Variants in CHST11 observed in about 807,000 individuals in gnomAD.
The protein encoded by CHST11 is carbohydrate sulfotransferase 11.
CHST11 carries 9 observed loss-of-function variants against 30.4 expected under a neutral mutation model. The observed-to-expected ratio is 0.30, with a 90% CI of 0.18 to 0.52. The LOEUF is 0.52. Among genes scored for constraint, CHST11 ranks in the 20% least tolerant of loss-of-function variants. The probability of loss-of-function intolerance (pLI) is 0.97; values close to 1 mark genes in which losing one functional copy is unlikely to be tolerated. For missense variants in CHST11, 348 were observed against 460.6 expected (o/e 0.76, Z 2.24); for synonymous variants, 152 against 187.8 (o/e 0.81, Z 1.56).
intron 2 of CHST11, among the ~76,000 whole-genome samples, chr12:104,616,770 C>G (rs954654081): frequency 6.6e-6 from 1 of 152,098 alleles, no homozygotes; most frequent in Non-Finnish European, 1.5e-5. Flanking sequence ...GGCCAGGAAA[C>G]TTTTTAACAG....
At chr12:104,741,488 T>G (rs1035134116) in intron 2 of CHST11, among the ~76,000 whole-genome samples, 1 of 152,210 alleles carries the variant, frequency 6.6e-6, no homozygotes, top group Non-Finnish European at 1.5e-5. Context: ...TAAATGGACC[T>G]CTTTGGGTGC....
chr12:104,729,396 T>G lies in CHST11; in HGVS notation c.205-27553T>G, dbSNP rs1205528898. ...GTAGAGGATGATTGTGAGCCAGTCA[T>G]TAAGTACTGAGGATTCAAGCAGTGT... On this transcript the variant is annotated intron_variant, in intron 2 of 2. Coordinates refer to ENST00000303694, the MANE Select transcript of CHST11 (RefSeq NM_018413.6). This position sits in a 1 kb window ranked among gnomAD's most constrained non-coding sequence, Gnocchi z 4.0. 6.6e-6 allele frequency among the ~76,000 whole-genome samples: 1 copy of G among 152,148 alleles called. No individual in the cohort carries two copies. The highest frequency in any genetic ancestry group is 1.5e-5 in the Non-Finnish European group (1 of 68,026).
intron 2 of CHST11, among the ~76,000 whole-genome samples, chr12:104,633,237 A>G (rs537091711): frequency 6.6e-6 from 1 of 152,268 alleles, no homozygotes; most frequent in Non-Finnish European, 1.5e-5. Flanking sequence ...TTCCTTGACA[A>G]ATGCCTCATT....
chr12:104,665,815 T>A (rs1221252080), intron 2 of CHST11, among the ~76,000 whole-genome samples: 1 of 66,212 alleles, frequency 1.5e-5, no homozygotes, highest in Admixed American at 1.6e-4. Flanking sequence ...TCTGTCTCTT[T>A]TTTTTTTTTT....
intron 2 of CHST11, among the ~76,000 whole-genome samples, chr12:104,721,895 C>T (rs964169370): frequency 1.3e-5 from 2 of 152,152 alleles, no homozygotes; most frequent in Admixed American, 6.5e-5. Flanking sequence ...AAGGTATTGC[C>T]TGAGGTTGCA....
chr12:104,486,385 G>A (rs868516400), intron 1 of CHST11, among the ~76,000 whole-genome samples: 1 of 151,896 alleles, frequency 6.6e-6, no homozygotes, highest in South Asian at 2.1e-4. Flanking sequence ...GACAGGAATC[G>A]GGGAATGCAG....
intron 2 of CHST11, among the ~76,000 whole-genome samples, chr12:104,639,768 G>A (rs1160209275): frequency 6.6e-6 from 1 of 152,196 alleles, no homozygotes. Flanking sequence ...CACCTCTCAT[G>A]CCTTTGTGCA....
intron 1 of CHST11, among the ~76,000 whole-genome samples, chr12:104,573,600 G>T (rs1472769190): frequency 6.6e-6 from 1 of 152,190 alleles, no homozygotes; most frequent in Non-Finnish European, 1.5e-5. Context: ...ACAAAAGCAA[G>T]AAATGAGGAA....
At chr12:104,482,830 C>A (rs2037639960) in intron 1 of CHST11, among the ~76,000 whole-genome samples, 1 of 152,132 alleles carries the variant, frequency 6.6e-6, no homozygotes, top group Non-Finnish European at 1.5e-5. Flanking sequence ...CCACTTAAGA[C>A]TTTAATGTCT....
At chr12:104,753,953 C>G (rs566252542) in intron 2 of CHST11, among the ~76,000 whole-genome samples, 6 of 152,214 alleles carry the variant, frequency 3.9e-5, no homozygotes, top group Admixed American at 6.5e-5. Flanking sequence ...AAGGCCCAGG[C>G]CCCATATTTG....
At chr12:104,633,882 C>G (rs999582793) in intron 2 of CHST11, among the ~76,000 whole-genome samples, 2 of 152,194 alleles carry the variant, frequency 1.3e-5, no homozygotes, top group African/African-American at 2.4e-5. Flanking sequence ...CCCAGCTCCC[C>G]CTGCCCCACC....
chr12:104,722,772 G>A (rs2040188243), intron 2 of CHST11, among the ~76,000 whole-genome samples: 1 of 152,050 alleles, frequency 6.6e-6, no homozygotes, highest in Non-Finnish European at 1.5e-5. Flanking sequence ...CTGGGGGGAG[G>A]TGAGGGGAGA....
intron 2 of CHST11, among the ~76,000 whole-genome samples, chr12:104,627,197 T>C (rs926451475): frequency 3.9e-5 from 6 of 152,202 alleles, no homozygotes; most frequent in Non-Finnish European, 8.8e-5. Context: ...GTACTGAATA[T>C]TCCATTGTCT....
Position 104,760,142 on chromosome 12 carries a change from C to G in CHST11, c.*2339C>G, listed in dbSNP as rs1256744417. 6.6e-6 allele frequency: 1 copy of G among 152,126 alleles called. No individual in the cohort carries two copies. Among genetic ancestry groups the G allele is most frequent in the African/African-American group, 2.4e-5 (1 of 41,404 alleles). The allele number at this position is 152,126 out of a possible 1,614,324, so 9.4% of individuals were successfully genotyped here. A position where few individuals can be genotyped will look rare whatever the true frequency, so the allele number is the denominator to read the frequency against. ...CCTGAACTTACATGACCAGGATACTCTATTTTGCAGATCACCCCACAGAGC... is the reference window on the plus strand; with the variant it reads ...CCTGAACTTACATGACCAGGATACTGTATTTTGCAGATCACCCCACAGAGC... On this transcript the variant is annotated 3_prime_UTR_variant, in exon 3 of 3. Transcript: ENST00000303694.
At chr12:104,481,340 G>C (rs1474764526) in intron 1 of CHST11, among the ~76,000 whole-genome samples, 6 of 152,104 alleles carry the variant, frequency 3.9e-5, no homozygotes, top group Admixed American at 6.5e-5. Flanking sequence ...CCCTGTGCTT[G>C]GCGTGCTTTT....
chr12:104,645,978 G>A (rs2136078533), intron 2 of CHST11, among the ~76,000 whole-genome samples: 1 of 152,282 alleles, frequency 6.6e-6, no homozygotes, highest in East Asian at 1.9e-4. Flanking sequence ...CCTTGGTGAT[G>A]GCACCATACT....
intron 1 of CHST11, among the ~76,000 whole-genome samples, chr12:104,486,861 G>A (rs1678918765): frequency 1.3e-5 from 2 of 152,140 alleles, no homozygotes; most frequent in South Asian, 4.1e-4. Context: ...TAAAACGAAG[G>A]GGGGCATACT....
intron 1 of CHST11, among the ~76,000 whole-genome samples, chr12:104,480,196 C>T (rs899836836): frequency 6.6e-6 from 1 of 151,936 alleles, no homozygotes; most frequent in Non-Finnish European, 1.5e-5. Flanking sequence ...TTGATAGTGT[C>T]CCCGCCCCCC....
chr12:104,655,328 C>T (rs1339702216), intron 2 of CHST11, among the ~76,000 whole-genome samples: 1 of 152,240 alleles, frequency 6.6e-6, no homozygotes, highest in East Asian at 1.9e-4. Context: ...TAATTCTTTC[C>T]TGATTGATGC....
Sources: allele counts gnomAD v4.1 joint callset (sites outside exome capture counted in the v4.1 genomes callset), GRCh38; gene constraint gnomAD v4.1.1; non-coding constraint Gnocchi (gnomAD v3.1); transcripts MANE v1.5; gene names NCBI Gene and HGNC (gene_info 2026-07-23, HGNC 2026-07-21).